C8orf34: variants seen among roughly 807,000 people sequenced by gnomAD.
The protein encoded by C8orf34 is uncharacterized protein C8orf34.
A neutral mutation model predicts 68.3 loss-of-function variants in C8orf34; 65 were observed. That is an observed-to-expected ratio of 0.95 (90% CI 0.78 to 1.17). The LOEUF is 1.17. C8orf34 is among the 50% of genes most tolerant of loss of function. The pLI, the probability that C8orf34 is intolerant of heterozygous loss-of-function variation, is 0.00. For missense variants in C8orf34, 664 were observed against 655.4 expected, an observed-to-expected ratio of 1.01 and a Z score of -0.14; for synonymous variants, 244 against 241.2, an observed-to-expected ratio of 1.01 and a Z score of -0.11.
At chr8:68,517,732 T>A (rs1814580740) in intron 5 of C8orf34, among the ~76,000 whole-genome samples, 1 of 152,210 alleles carries the variant, frequency 6.6e-6, no homozygotes, top group Admixed American at 6.5e-5. Context: ...ACTCTTTGGC[T>A]TACAGTGCCT....
chr8:68,766,170 G>A (rs1173403039), intron 10 of C8orf34, among the ~76,000 whole-genome samples: 3 of 152,214 alleles, frequency 2.0e-5, no homozygotes, highest in Non-Finnish European at 2.9e-5. Flanking sequence ...AAGGAAATAT[G>A]AGCCAAAAAC....
chr8:68,610,549 C>A (rs1022619674), intron 7 of C8orf34, among the ~76,000 whole-genome samples: 3 of 152,108 alleles, frequency 2.0e-5, no homozygotes, highest in Non-Finnish European at 4.4e-5. Flanking sequence ...GACAGGCAAA[C>A]TTTCATAAAT....
intron 10 of C8orf34, among the ~76,000 whole-genome samples, chr8:68,738,701 C>T (rs1822191579): frequency 6.6e-6 from 1 of 151,980 alleles, no homozygotes; most frequent in Non-Finnish European, 1.5e-5. Flanking sequence ...TGGATAAATT[C>T]CTGTATACAT....
rs547255622 is a variant in C8orf34, at chr8:68,712,589, A to C, written c.1327+3510A>C. Among the ~76,000 whole-genome samples, 377 of 152,270 alleles carry C rather than the reference A, an allele frequency of 2.5e-3. 2 individuals are homozygous for C. The highest frequency in any genetic ancestry group is 8.5e-3 in the African/African-American group (355 of 41,570). On this transcript the variant is annotated intron_variant, in intron 9 of 13. Coordinates refer to ENST00000518698, the MANE Select transcript of C8orf34 (RefSeq NM_052958.4). ...TTTAAAGCAACAGCAGTTAAAAATAAACAAAGTGGAACATTATATAATGTT... is the reference window on the plus strand; with the variant it reads ...TTTAAAGCAACAGCAGTTAAAAATACACAAAGTGGAACATTATATAATGTT...
At chr8:68,513,244 C>G (rs887664698) in intron 5 of C8orf34, among the ~76,000 whole-genome samples, 1 of 152,124 alleles carries the variant, frequency 6.6e-6, no homozygotes, top group Non-Finnish European at 1.5e-5. Flanking sequence ...ATACTTGATC[C>G]AAGCACTTGT....
At chr8:68,521,696 C>T in intron 5 of C8orf34, 103 bp from the exon 6 acceptor site, 1 of 1,009,492 alleles carries the variant, frequency 9.9e-7, no homozygotes, top group Non-Finnish European at 1.4e-6. Flanking sequence ...TTCAGAAAGA[C>T]AAAAAGCATT....
At chr8:68,444,135 T>C (rs1202957205) in intron 2 of C8orf34, among the ~76,000 whole-genome samples, 2 of 152,188 alleles carry the variant, frequency 1.3e-5, no homozygotes, top group Non-Finnish European at 2.9e-5. Context: ...TTTCTCTGTG[T>C]CACTGATACA....
intron 1 of C8orf34, among the ~76,000 whole-genome samples, chr8:68,403,367 C>T (rs918880303): frequency 1.3e-5 from 2 of 151,966 alleles, no homozygotes; most frequent in East Asian, 1.9e-4. Flanking sequence ...ATTCAGTTTA[C>T]CTTTTGTCTC....
chr8:68,524,519 A>G (rs772100109), intron 6 of C8orf34, among the ~76,000 whole-genome samples: 8 of 152,210 alleles, frequency 5.3e-5, no homozygotes, highest in Non-Finnish European at 1.2e-4. Flanking sequence ...AGCAGTTCAG[A>G]ATTAAGAGTG....
chr8:68,809,812 A>G (rs1824592425), intron 12 of C8orf34, among the ~76,000 whole-genome samples: 1 of 152,168 alleles, frequency 6.6e-6, no homozygotes. Context: ...GTTGACTGGC[A>G]TGGTCTCATT....
chr8:68,468,655 A>G (rs755624929), intron 3 of C8orf34, 37 bp from the exon 4 acceptor site: 1 of 1,602,744 alleles, frequency 6.2e-7, no homozygotes, highest in Admixed American at 1.7e-5. Flanking sequence ...GTCATTATGT[A>G]GCATGCTTAT....
intron 1 of C8orf34, among the ~76,000 whole-genome samples, chr8:68,381,503 C>T (rs1808030359): frequency 6.6e-6 from 1 of 151,504 alleles, no homozygotes; most frequent in Non-Finnish European, 1.5e-5. Context: ...GAGGCCGAGG[C>T]GGGTGGATCA....
At chr8:68,354,067 G>A (rs1806638448) in intron 1 of C8orf34, among the ~76,000 whole-genome samples, 1 of 152,014 alleles carries the variant, frequency 6.6e-6, no homozygotes, top group Admixed American at 6.6e-5. Flanking sequence ...GTTGTTTATA[G>A]TGTTTACTCA....
chr8:68,420,895 A>C (rs1162855539), intron 1 of C8orf34, among the ~76,000 whole-genome samples: 1 of 152,102 alleles, frequency 6.6e-6, no homozygotes, highest in Admixed American at 6.6e-5. Context: ...AAAGAATAGA[A>C]ATAGAAGCAG....
At chr8:68,769,832 C>T (rs1823287858) in intron 10 of C8orf34, among the ~76,000 whole-genome samples, 1 of 152,080 alleles carries the variant, frequency 6.6e-6, no homozygotes, top group African/African-American at 2.4e-5. Context: ...AATTTTTGCC[C>T]TCTAACAACT....
intron 8 of C8orf34, among the ~76,000 whole-genome samples, chr8:68,669,175 CGAT>C (rs1325869928): frequency 1.3e-5 from 2 of 151,942 alleles, no homozygotes; most frequent in Non-Finnish European, 2.9e-5. Flanking sequence ...ATCCTGCTTT[CGAT>C]GATGATAATG....
chr8:68,390,440 A>T (rs952869058), intron 1 of C8orf34, among the ~76,000 whole-genome samples: 3 of 152,190 alleles, frequency 2.0e-5, no homozygotes, highest in Admixed American at 2.0e-4. Context: ...CAATAAGATA[A>T]TGTATGTAAT....
Position 68,754,398 on chromosome 8 carries a change from A to G in C8orf34, c.1405-22001A>G, listed in dbSNP as rs1822792554. 3.3e-5 allele frequency among the ~76,000 whole-genome samples: 5 copies of G among 152,344 alleles called. No homozygotes were observed. The South Asian group carries it at 8.3e-4, about 25-fold the overall frequency. On this transcript the variant is annotated intron_variant, in intron 10 of 13. Coordinates refer to ENST00000518698, the MANE Select transcript of C8orf34 (RefSeq NM_052958.4). ...ATGAAGTTGACAAGTATGTTCTTTC[A>G]TGATTACTTTGTATTGAGGCATAAC... is the stretch of plus-strand genomic sequence containing the variant.
intron 10 of C8orf34, among the ~76,000 whole-genome samples, chr8:68,757,401 G>C (rs1035266078): frequency 6.6e-6 from 1 of 152,090 alleles, no homozygotes; most frequent in African/African-American, 2.4e-5. Context: ...AGGCTGAGGC[G>C]GGCGGATCAC....
Sources: allele counts gnomAD v4.1 joint callset (sites outside exome capture counted in the v4.1 genomes callset), GRCh38; gene constraint gnomAD v4.1.1; transcripts MANE v1.5; gene names NCBI Gene and HGNC (gene_info 2026-07-23, HGNC 2026-07-21).